Variants in GPBP1L1 observed in about 807,000 individuals in gnomAD.
The protein encoded by GPBP1L1 is vasculin-like protein 1.
Under a neutral mutation model 52.5 loss-of-function variants are expected in GPBP1L1, and 23 were observed. The ratio of observed to expected loss-of-function variants is 0.44; its 90% CI spans 0.32 to 0.62. The LOEUF is 0.62. Among genes scored for constraint, GPBP1L1 ranks in the 20% least tolerant of loss-of-function variants. GPBP1L1 has a pLI of 0.06. For synonymous variants in GPBP1L1, 243 were observed against 203.1 expected, an observed-to-expected ratio of 1.20 and a Z score of -1.67; for missense variants, 596 against 579.3, an observed-to-expected ratio of 1.03 and a Z score of -0.30.
At chr1:45,641,777 C>A (rs1400773202) in intron 7 of GPBP1L1, 1 of 146,362 alleles carries the variant, frequency 6.8e-6, no homozygotes. Context: ...GATCTCGCCA[C>A]CGCACTCCAG....
chr1:45,639,572 A>AT (rs1374403921), intron 8 of GPBP1L1, among the ~76,000 whole-genome samples: 18 of 107,252 alleles, frequency 1.7e-4, no homozygotes, highest in African/African-American at 6.4e-4. Flanking sequence ...ACAAAAAATA[A>AT]TTAAAAAAAA....
intron 2 of GPBP1L1, among the ~76,000 whole-genome samples, chr1:45,664,336 C>T (rs905576854): frequency 5.3e-5 from 8 of 149,716 alleles, no homozygotes; most frequent in East Asian, 2.0e-4. Flanking sequence ...AAAGGCCGGG[C>T]GTGGTGGCTC....
rs192753946 is a variant in GPBP1L1 at position 45,664,491 on chromosome 1, G to A, written c.-1097-3266C>T. On this transcript the variant is annotated intron_variant, in intron 2 of 12. Transcript: ENST00000355105. ...TGAGGCAGGAGAATGGCGTGAACCC[G>A]GGAGGTGGAGCTTGCCGTGAGCGGA... Among the ~76,000 whole-genome samples the A allele has an allele frequency of 6.9e-4, 105 of 151,932 alleles. 1 individual carries two copies. The highest frequency in any genetic ancestry group is 4.2e-4 in the South Asian group (2 of 4,754).
intron 2 of GPBP1L1, among the ~76,000 whole-genome samples, chr1:45,675,318 TAAAAATAA>T (rs998456396): frequency 1.3e-5 from 2 of 151,542 alleles, no homozygotes; most frequent in African/African-American, 2.4e-5. Flanking sequence ...AATAAATAAA[TAAAAATAA>T]AAAAATAAAA....
rs535987636 is a variant in GPBP1L1, at chr1:45,683,501, G to A, written c.-1098+2075C>T. On this transcript the variant is annotated intron_variant, in intron 2 of 12. Transcript: ENST00000355105. ...ATTACAGGCGTGAGCCACCGCGCCC[G>A]GCCTGAATATAGACTGTTACCTACC... 3.4e-5 allele frequency among the ~76,000 whole-genome samples: 5 copies of A among 147,954 alleles called. No homozygotes were observed. The East Asian group carries it at 1.1e-3, about 32-fold the overall frequency.
chr1:45,649,262 T>G (rs1265290730), intron 6 of GPBP1L1, among the ~76,000 whole-genome samples: 2 of 152,220 alleles, frequency 1.3e-5, no homozygotes, highest in Non-Finnish European at 2.9e-5. Flanking sequence ...AAAGGATATC[T>G]TTTACATAAT....
chr1:45,683,334 T>C (rs994557040), intron 2 of GPBP1L1, among the ~76,000 whole-genome samples: 1 of 148,448 alleles, frequency 6.7e-6, no homozygotes, highest in African/African-American at 2.5e-5. Context: ...GCCTCCCGAG[T>C]AGCTGGCACT....
chr1:45,686,819 C>A (rs1300109504), upstream of GPBP1L1, among the ~76,000 whole-genome samples: 2 of 152,236 alleles, frequency 1.3e-5, no homozygotes, highest in Admixed American at 6.5e-5. Context: ...CTCTGCCTTT[C>A]CTCGTGCCGC....
chr1:45,649,501 T>G (rs1388487932), intron 6 of GPBP1L1, among the ~76,000 whole-genome samples: 1 of 152,042 alleles, frequency 6.6e-6, no homozygotes, highest in Non-Finnish European at 1.5e-5. Flanking sequence ...TACAGGCCAG[T>G]TATTTTGCAA....
intron 6 of GPBP1L1, among the ~76,000 whole-genome samples, chr1:45,649,526 C>T (rs960673310): frequency 3.3e-5 from 5 of 151,028 alleles, no homozygotes; most frequent in African/African-American, 1.2e-4. Context: ...TTTGTAGAAT[C>T]CTCAATTTGG....
chr1:45,647,296 C>G (rs946498269), intron 6 of GPBP1L1, among the ~76,000 whole-genome samples: 2 of 151,626 alleles, frequency 1.3e-5, no homozygotes, highest in Non-Finnish European at 2.9e-5. Flanking sequence ...TGGTTATCTT[C>G]TCCCTACCGC....
chr1:45,672,002 C>T (rs189803019), intron 2 of GPBP1L1, among the ~76,000 whole-genome samples: 1 of 152,056 alleles, frequency 6.6e-6, no homozygotes, highest in Non-Finnish European at 1.5e-5. Context: ...TTATTTAAGT[C>T]TTCTTTAACA....
intron 8 of GPBP1L1, among the ~76,000 whole-genome samples, chr1:45,639,832 C>T (rs781555092): frequency 8.6e-5 from 13 of 151,860 alleles, no homozygotes; most frequent in South Asian, 2.1e-4. Context: ...GAGCTGAGAT[C>T]GTGCCACTGC....
chr1:45,655,275 T>C lies in GPBP1L1; in HGVS notation c.105A>G (p.Arg35=). Residue 35 remains arginine (R), a synonymous_variant, in exon 5 of 13, where the codon AGA becomes AGG. Transcript: ENST00000355105. ...TFEKHGEHLP[R]GEGRFGVSRR... Reference sequence around the variant, plus strand: ...GGCTTACTCCAAATCTACCTTCTCCTCTGGGTAGGTGCTCTCCGTGTTTTT... The same window carrying C: ...GGCTTACTCCAAATCTACCTTCTCCCCTGGGTAGGTGCTCTCCGTGTTTTT... 1 of 1,613,944 alleles carries C rather than the reference T, an allele frequency of 6.2e-7. No individual in the cohort carries two copies. Among genetic ancestry groups the C allele is most frequent in the Non-Finnish European group, 8.5e-7 (1 of 1,179,840 alleles).
chr1:45,683,795 AC>A (rs1355304048), intron 2 of GPBP1L1, among the ~76,000 whole-genome samples: 1 of 149,296 alleles, frequency 6.7e-6, no homozygotes, highest in African/African-American at 2.5e-5. Context: ...GGTGGCACGC[AC>A]CTGTCGTCCC....
chr1:45,670,729 G>A (rs1645063737), intron 2 of GPBP1L1, among the ~76,000 whole-genome samples: 1 of 149,810 alleles, frequency 6.7e-6, no homozygotes, highest in South Asian at 2.1e-4. Flanking sequence ...GTATGCAACT[G>A]CTTCCAAATT....
chr1:45,674,008 C>T (rs554418719), intron 2 of GPBP1L1, among the ~76,000 whole-genome samples: 15 of 152,194 alleles, frequency 9.9e-5, no homozygotes, highest in African/African-American at 3.4e-4. Flanking sequence ...AACACGGGAG[C>T]GGGAGGCTGC....
chr1:45,634,331 G>T, intron 8 of GPBP1L1, 95 bp from the exon 9 acceptor site: 1 of 1,276,148 alleles, frequency 7.8e-7, no homozygotes, highest in Non-Finnish European at 1.1e-6. Context: ...TGTTACATGA[G>T]AACATAAGTT....
chr1:45,638,162 A>G (rs1644620195), intron 8 of GPBP1L1, among the ~76,000 whole-genome samples: 1 of 152,172 alleles, frequency 6.6e-6, no homozygotes, highest in South Asian at 2.1e-4. Flanking sequence ...TTATTCCCAC[A>G]TATTTCTTCT....
Sources: gnomAD v4.1 joint callset for allele counts (sites outside exome capture counted in the v4.1 genomes callset) on GRCh38, gnomAD v4.1.1 for gene constraint, MANE v1.5 for transcripts, NCBI Gene and HGNC (gene_info 2026-07-23, HGNC 2026-07-21) for gene names.